The following PRUNE2 variants were observed in gnomAD, a reference collection of about 807,000 sequenced individuals.
PRUNE2 encodes protein prune homolog 2.
Under a neutral mutation model 252.0 loss-of-function variants are expected in PRUNE2, and 164 were observed. That is an observed-to-expected ratio of 0.65 (90% confidence interval 0.57 to 0.74). The LOEUF is 0.74. Among genes scored for constraint, PRUNE2 ranks in the 30% least tolerant of loss-of-function variants. PRUNE2 has a pLI of 0.00. For missense variants in PRUNE2, 3,495 were observed against 3,711.0 expected (o/e 0.94, Z 1.51); for synonymous variants, 1,292 against 1,350.2 (o/e 0.96, Z 0.94).
chr9:76,739,584 A>C (rs1426316516), intron 6 of PRUNE2: 3 of 151,908 alleles, frequency 2.0e-5, no homozygotes, highest in Non-Finnish European at 2.9e-5. Flanking sequence ...CTTATAATGT[A>C]TACTATGAAT....
chr9:76,684,077 T>C (rs1023981709), intron 9 of PRUNE2, among the ~76,000 whole-genome samples: 2 of 152,128 alleles, frequency 1.3e-5, no homozygotes, highest in Non-Finnish European at 2.9e-5. Context: ...CCTCACATAC[T>C]TATGTTTTTT....
intron 6 of PRUNE2, among the ~76,000 whole-genome samples, chr9:76,749,726 A>T (rs2050447590): frequency 1.3e-5 from 2 of 152,158 alleles, no homozygotes; most frequent in African/African-American, 4.8e-5. Context: ...TAACACAAGG[A>T]TCAGAAGTCA....
rs530353491 is a variant in PRUNE2 at position 76,710,834 on chromosome 9, T to C, written c.1440A>G (p.Glu480=). ...CACCGTGTTCTCCAGACCATGCATG[T>C]TCCTCCGCCACCGCCCCTTCAGGGA... ...SPIPEGAVAE[E]HAWSGEHGEH... is the part of the protein sequence containing the mutation. The change falls in exon 8 of 19, where the codon GAA becomes GAG. Residue 480 remains glutamate (E), a synonymous_variant. Coordinates refer to ENST00000376718, the MANE Select transcript of PRUNE2 (RefSeq NM_015225.3). 3.0e-5 allele frequency: 46 copies of C among 1,545,826 alleles called. No homozygotes were observed. In the Admixed American group the frequency reaches 4.0e-4, roughly 13 times the overall value.
At chr9:76,786,392 T>C (rs1310162389) in intron 6 of PRUNE2, 2 of 152,402 alleles carry the variant, frequency 1.3e-5, no homozygotes, top group East Asian at 1.9e-4. Context: ...GCTGTCATCG[T>C]CCCCATCTCT....
intron 9 of PRUNE2, among the ~76,000 whole-genome samples, chr9:76,676,515 A>G (rs1194562869): frequency 6.6e-6 from 1 of 152,184 alleles, no homozygotes; most frequent in Admixed American, 6.6e-5. Context: ...ATATCTAGGA[A>G]GAATACATTG....
At chr9:76,678,157 G>C (rs2042936093) in intron 9 of PRUNE2, among the ~76,000 whole-genome samples, 2 of 151,830 alleles carry the variant, frequency 1.3e-5, no homozygotes, top group South Asian at 4.1e-4. Flanking sequence ...TTTGAGACCA[G>C]CCTGGCCAAC....
At chr9:76,670,280 AAG>A (rs554560643) in intron 9 of PRUNE2, among the ~76,000 whole-genome samples, 4 of 152,038 alleles carry the variant, frequency 2.6e-5, no homozygotes, top group Non-Finnish European at 4.4e-5. Context: ...GAGTCAAAGA[AAG>A]GGGTGACGGA....
intron 1 of PRUNE2, among the ~76,000 whole-genome samples, chr9:76,896,368 GAACT>G (rs1307075967): frequency 3.3e-5 from 5 of 152,184 alleles, no homozygotes; most frequent in African/African-American, 1.2e-4. Flanking sequence ...TGTGAGAAAA[GAACT>G]AACTGATGAT....
At chr9:76,794,561 G>A (rs1212227190) in intron 6 of PRUNE2, among the ~76,000 whole-genome samples, 2 of 147,644 alleles carry the variant, frequency 1.4e-5, no homozygotes, top group Non-Finnish European at 3.0e-5. Context: ...GTTGCAGTGA[G>A]CCCAGATCGC....
chr9:76,659,686 G>T (rs1199060401), intron 9 of PRUNE2, among the ~76,000 whole-genome samples: 6 of 151,936 alleles, frequency 3.9e-5, no homozygotes, highest in Admixed American at 3.3e-4. Flanking sequence ...CTACTCTGAC[G>T]ATCTGAAATC....
intron 4 of PRUNE2, among the ~76,000 whole-genome samples, chr9:76,842,912 G>T (rs910355098): frequency 6.6e-5 from 10 of 152,212 alleles, no homozygotes; most frequent in Non-Finnish European, 1.5e-4. Context: ...GTGGAAGACA[G>T]TGTGGCGATT....
chr9:76,890,198 T>C (rs908771038), intron 1 of PRUNE2, among the ~76,000 whole-genome samples: 1 of 152,210 alleles, frequency 6.6e-6, no homozygotes, highest in African/African-American at 2.4e-5. Context: ...CTGGGCATAA[T>C]GATGCCTGTC....
At chr9:76,742,350 G>A (rs2049706185) in intron 6 of PRUNE2, among the ~76,000 whole-genome samples, 2 of 152,090 alleles carry the variant, frequency 1.3e-5, no homozygotes, top group African/African-American at 2.4e-5. Flanking sequence ...ATGGTGGCTC[G>A]TGTCTGTTAT....
Position 76,746,507 on chromosome 9 carries a change from C to T in PRUNE2, c.757-32786G>A, listed in dbSNP as rs567241273. Reference sequence around the variant, plus strand: ...GATCATGAGGTCAGGAGATCGAGACCATCCTGGCTAACAAGGTGAAACCCC... The same window carrying T: ...GATCATGAGGTCAGGAGATCGAGACTATCCTGGCTAACAAGGTGAAACCCC... On this transcript the variant is annotated intron_variant, in intron 6 of 18. Transcript: ENST00000376718. Among the ~76,000 whole-genome samples the T allele has an allele frequency of 2.8e-3, 431 of 151,614 alleles. 3 individuals carry two copies. Among genetic ancestry groups the T allele is most frequent in the African/African-American group, 9.9e-3 (411 of 41,338 alleles).
Position 76,710,156 on chromosome 9 carries a change from C to G in PRUNE2, c.2118G>C (p.Lys706Asn), listed in dbSNP as rs759239728. ...GACCTGACTTTGTAAATTCGAGGCT[C>G]TTTGGTTGAAATACAGAATCTGAGG... Reference protein sequence around the residue: ...RRASDSVFQPKSLEFTKSGPW... With the variant: ...RRASDSVFQPNSLEFTKSGPW... The change falls in exon 8 of 19, where the codon AAG becomes AAC. Residue 706 changes from lysine to asparagine, a missense_variant. Lys to Asn is a moderately conservative substitution (Grantham distance 94). Coordinates refer to ENST00000376718, the MANE Select transcript of PRUNE2 (RefSeq NM_015225.3). 6.2e-7 allele frequency: 1 copy of G among 1,613,856 alleles called. No individual in the cohort carries two copies. Among genetic ancestry groups the G allele is most frequent in the South Asian group, 1.1e-5 (1 of 91,056 alleles).
intron 6 of PRUNE2, among the ~76,000 whole-genome samples, chr9:76,773,438 C>CTTT (rs35078779): frequency 4.2e-4 from 45 of 107,568 alleles, no homozygotes; most frequent in Admixed American, 6.8e-4. Flanking sequence ...ACTAGTACAT[C>CTTT]TTTTTTTTTT....
chr9:76,868,395 G>A (rs2060971193), intron 1 of PRUNE2, among the ~76,000 whole-genome samples: 1 of 152,208 alleles, frequency 6.6e-6, no homozygotes, highest in African/African-American at 2.4e-5. Flanking sequence ...TGTGCCATGA[G>A]GCTGCCTTGC....
At position 76,639,418 on chromosome 9, in the gene PRUNE2, G is replaced by A. The variant is rs577868125; in HGVS notation, c.8729-1130C>T. On this transcript the variant is annotated intron_variant, in intron 12 of 18. Coordinates refer to ENST00000376718, the MANE Select transcript of PRUNE2 (RefSeq NM_015225.3). ...AGGCAGGAGAATTGCTTAAGCCTGC[G>A]AGGCAGAGGTTGCAGTGAGCCAAGA... Among the ~76,000 whole-genome samples the A allele has an allele frequency of 2.4e-4, 37 of 152,266 alleles. No individual in the cohort carries two copies. The South Asian group carries it at 5.8e-3, about 24-fold the overall frequency.
At chr9:76,788,626 T>TA in intron 6 of PRUNE2, 1 of 629,204 alleles carries the variant, frequency 1.6e-6, no homozygotes, top group South Asian at 1.9e-5. Context: ...TGACACAACT[T>TA]AAACATTTGA....
Sources: allele counts gnomAD v4.1 joint callset (sites outside exome capture counted in the v4.1 genomes callset), GRCh38; gene constraint gnomAD v4.1.1; transcripts MANE v1.5; gene names NCBI Gene and HGNC (gene_info 2026-07-23, HGNC 2026-07-21).